FAHD2A: variants seen among roughly 807,000 people sequenced by gnomAD.
The protein encoded by FAHD2A is oxaloacetate tautomerase FAHD2A, mitochondrial.
Under a neutral mutation model 33.4 loss-of-function variants are expected in FAHD2A, and 27 were observed. The observed-to-expected ratio is 0.81, with a 90% CI of 0.60 to 1.11. The LOEUF (loss-of-function observed/expected upper bound fraction) is 1.11. Among genes scored for constraint, FAHD2A ranks in the 50% most tolerant of loss-of-function variants. The pLI, the probability that FAHD2A is intolerant of heterozygous loss-of-function variation, is 0.00. For missense variants in FAHD2A, 296 were observed against 395.0 expected, an observed-to-expected ratio of 0.75 and a Z score of 2.12; for synonymous variants, 130 against 153.3, an observed-to-expected ratio of 0.85 and a Z score of 1.12.
rs1425116250 is a variant in FAHD2A at position 95,415,564 on chromosome 2, G to A, written c.*2607G>A. On this transcript the variant is annotated 3_prime_UTR_variant, in exon 8 of 8. Coordinates refer to ENST00000233379, the MANE Select transcript of FAHD2A (RefSeq NM_016044.3). ...ATATCAGCATTAAGCGAGATTTAACGGGGAGCTGTTTATCTTCTGCCTGTC... is the reference window on the plus strand; with the variant it reads ...ATATCAGCATTAAGCGAGATTTAACAGGGAGCTGTTTATCTTCTGCCTGTC... 6.6e-6 allele frequency: 1 copy of A among 152,576 alleles called. No individual in the cohort carries two copies. The highest frequency in any genetic ancestry group is 1.5e-5 in the Non-Finnish European group (1 of 68,040). The allele number at this position is 152,576 out of a possible 1,614,324, so 9.5% of individuals were successfully genotyped here.
At chr2:95,406,742 C>T (rs1681626359) in intron 2 of FAHD2A, among the ~76,000 whole-genome samples, 199 bp from the exon 3 acceptor site, 1 of 152,140 alleles carries the variant, frequency 6.6e-6, no homozygotes, top group South Asian at 2.1e-4. Flanking sequence ...GAGAGGAAAT[C>T]AACACTGGAT....
In FAHD2A at chr2:95,413,508, G is replaced by A; in HGVS notation, c.*551G>A. The A allele has an allele frequency of 6.2e-7, 1 of 1,608,272 alleles. No individual in the cohort carries two copies. Among genetic ancestry groups the A allele is most frequent in the Non-Finnish European group, 8.5e-7 (1 of 1,178,186 alleles). On this transcript the variant is annotated 3_prime_UTR_variant, in exon 8 of 8. Transcript: ENST00000233379. Reference sequence around the variant, plus strand: ...CTAGTTTTTCCTGATTGTCCAGGCTGGCAAAAGTAGGGGACAGGTGGAGCC... The same window carrying A: ...CTAGTTTTTCCTGATTGTCCAGGCTAGCAAAAGTAGGGGACAGGTGGAGCC...
chr2:95,414,130 A>T lies in FAHD2A; in HGVS notation c.*1173A>T. 1 of 1,505,330 alleles carries T rather than the reference A, an allele frequency of 6.6e-7. No homozygotes were observed. Among genetic ancestry groups the T allele is most frequent in the Non-Finnish European group, 9.1e-7 (1 of 1,099,486 alleles). 93.2% of individuals were successfully genotyped at this position (1,505,330 alleles called of 1,614,324 possible). A position where few individuals can be genotyped will look rare whatever the true frequency, so the allele number is the denominator to read the frequency against. On this transcript the variant is annotated 3_prime_UTR_variant, in exon 8 of 8. Coordinates refer to ENST00000233379, the MANE Select transcript of FAHD2A (RefSeq NM_016044.3). The stretch of plus-strand genomic sequence containing the variant: ...GGGAGGGATAGATCTCCGACTGGAC[A>T]GAAGACTACTCTGCAGCCCGCCTTC...
intron 2 of FAHD2A, 76 bp from the exon 3 acceptor site, chr2:95,406,865 G>A (rs1681650003): frequency 2.0e-6 from 3 of 1,481,076 alleles, no homozygotes; most frequent in Non-Finnish European, 2.7e-6. Flanking sequence ...TGTAGCTGCT[G>A]CAGGATCTGC....
intron 3 of FAHD2A, among the ~76,000 whole-genome samples, chr2:95,409,492 A>T (rs1354429266): frequency 6.6e-6 from 1 of 152,180 alleles, no homozygotes; most frequent in African/African-American, 2.4e-5. Flanking sequence ...TATGTTTAGT[A>T]GAGACGGGGT....
In FAHD2A at chr2:95,405,567, G is replaced by A. The variant is rs1405227199; in HGVS notation, c.9G>A (p.Val3=). The A allele has an allele frequency of 2.7e-5, 43 of 1,611,328 alleles. No homozygotes were observed. The highest frequency in any genetic ancestry group is 3.7e-5 in the Non-Finnish European group (43 of 1,177,774). Residue 3 remains valine, a synonymous_variant, in exon 2 of 8, where the codon GTG becomes GTA. Coordinates refer to ENST00000233379, the MANE Select transcript of FAHD2A (RefSeq NM_016044.3). ...TTTCTCTGCAGGCTCTGATGCTGGT[G>A]TCTGGTAGAAGAAGGTTACTCACAG... is the stretch of plus-strand genomic sequence containing the variant. ML[V]SGRRRLLTVL...
rs1264160835 is a variant in FAHD2A at position 95,413,993 on chromosome 2, G to A, written c.*1036G>A. 3.5e-6 allele frequency: 5 copies of A among 1,433,644 alleles called. No individual in the cohort carries two copies. The African/African-American group carries it at 4.2e-5, about 12-fold the overall frequency. The allele number at this position is 1,433,644 out of a possible 1,614,324, so 88.8% of individuals were successfully genotyped here. On this transcript the variant is annotated 3_prime_UTR_variant, in exon 8 of 8. Coordinates refer to ENST00000233379, the MANE Select transcript of FAHD2A (RefSeq NM_016044.3). ...CTCTGAAGGTCCAGATAGCACTGAT[G>A]GCAAGCTTTGGGTCTGCACACTCTG... is the stretch of plus-strand genomic sequence containing the variant.
chr2:95,404,420 A>G (rs1363149583), intron 1 of FAHD2A, among the ~76,000 whole-genome samples: 1 of 151,784 alleles, frequency 6.6e-6, no homozygotes, highest in Non-Finnish European at 1.5e-5. Context: ...CAGCCTCCCT[A>G]GTAGCTGGGA....
chr2:95,413,384 T>G lies in FAHD2A; in HGVS notation c.*427T>G. 7.7e-6 allele frequency: 12 copies of G among 1,566,080 alleles called. No homozygotes were observed. In the South Asian group the frequency reaches 1.4e-4, roughly 19 times the overall value. ...AAGGGTTTGCAGCCTCCTCTCCATCTTCTGGCTCTAGGACACAGCTGTGTT... is the reference window on the plus strand; with the variant it reads ...AAGGGTTTGCAGCCTCCTCTCCATCGTCTGGCTCTAGGACACAGCTGTGTT... On this transcript the variant is annotated 3_prime_UTR_variant, in exon 8 of 8. Coordinates refer to ENST00000233379, the MANE Select transcript of FAHD2A (RefSeq NM_016044.3).
chr2:95,410,873 G>A lies in FAHD2A; in HGVS notation c.532G>A (p.Ala178Thr). ...TCCCCTGCCCCCATAGGCCACAGAT[G>A]CTATGGCCCACGTGGCCGGCTTCAC... Reference protein sequence around the residue: ...KKGKHIKATDAMAHVAGFTVA... With the variant: ...KKGKHIKATDTMAHVAGFTVA... The change falls in exon 5 of 8, where the codon GCT becomes ACT. Residue 178 changes from alanine (A) to threonine (T), a missense_variant. Transcript: ENST00000233379. 6.2e-7 allele frequency: 1 copy of A among 1,613,982 alleles called. No homozygotes were observed. The highest frequency in any genetic ancestry group is 8.5e-7 in the Non-Finnish European group (1 of 1,179,846).
rs1448434419 is a variant in FAHD2A at position 95,415,100 on chromosome 2, A to T, written c.*2143A>T. The stretch of plus-strand genomic sequence containing the variant: ...AGCCAAGGACACTGCTCTACTCTAA[A>T]TTTTTTGTCCCGAAGCCCCCAAATA... On this transcript the variant is annotated 3_prime_UTR_variant, in exon 8 of 8. Coordinates refer to ENST00000233379, the MANE Select transcript of FAHD2A (RefSeq NM_016044.3). The T allele has an allele frequency of 6.6e-6, 1 of 151,994 alleles. No homozygotes were observed. The highest frequency in any genetic ancestry group is 6.6e-5 in the Admixed American group (1 of 15,238). The allele number at this position is 151,994 out of a possible 1,614,324, so 9.4% of individuals were successfully genotyped here. A position where few individuals can be genotyped will look rare whatever the true frequency, so the allele number is the denominator to read the frequency against.
At chr2:95,409,108 A>C (rs1362324070) in intron 3 of FAHD2A, among the ~76,000 whole-genome samples, 1 of 152,242 alleles carries the variant, frequency 6.6e-6, no homozygotes, top group Admixed American at 6.5e-5. Context: ...TGGGAGGCTC[A>C]TGTCAGTGGT....
intron 3 of FAHD2A, among the ~76,000 whole-genome samples, chr2:95,409,088 C>T (rs773082444): frequency 6.6e-6 from 1 of 152,220 alleles, no homozygotes; most frequent in African/African-American, 2.4e-5. Flanking sequence ...CATTTTCCAT[C>T]GTATCCCACT....
Position 95,411,610 on chromosome 2 carries a change from A to T in FAHD2A, c.685+584A>T, listed in dbSNP as rs114430724. On this transcript the variant is annotated intron_variant, in intron 5 of 7. Transcript: ENST00000233379. ...CCTCAGCACCCCATGCAGAGTCCTC[A>T]GCAAAGTTAAATTGTGTTTCAGCTG... Among the ~76,000 whole-genome samples, 1,063 of 152,346 alleles carry T rather than the reference A, an allele frequency of 7.0e-3. 12 individuals are homozygous for T. The highest frequency in any genetic ancestry group is 0.024 in the African/African-American group (1,014 of 41,568).
Position 95,412,735 on chromosome 2 carries a change from G to T in FAHD2A, c.853G>T (p.Val285Leu). The T allele has an allele frequency of 6.2e-7, 1 of 1,614,176 alleles. No individual in the cohort carries two copies. The highest frequency in any genetic ancestry group is 2.2e-5 in the East Asian group (1 of 44,880). The change falls in exon 7 of 8, where the codon GTA becomes TTA. Residue 285 changes from valine (V) to leucine (L), a missense_variant. Val to Leu is a conservative substitution (Grantham distance 32, BLOSUM62 1). Transcript: ENST00000233379. ...ILTGTPPGVGVFRKPPVFLKK... is the reference protein window; with the variant it reads ...ILTGTPPGVGLFRKPPVFLKK... Reference sequence around the variant, plus strand: ...AACTGGGACCCCCCCAGGTGTCGGTGTATTCAGGAAACCTCCTGTCTTTCT... The same window carrying T: ...AACTGGGACCCCCCCAGGTGTCGGTTTATTCAGGAAACCTCCTGTCTTTCT...
intron 1 of FAHD2A, chr2:95,405,247 T>C: frequency 3.1e-6 from 1 of 321,750 alleles, no homozygotes; most frequent in East Asian, 5.7e-5. Context: ...GGGCTGAGTT[T>C]CACCTACATT....
intron 1 of FAHD2A, 98 bp from the exon 2 acceptor site, chr2:95,405,455 G>T: frequency 6.6e-7 from 1 of 1,507,208 alleles, no homozygotes; most frequent in South Asian, 1.3e-5. Flanking sequence ...AACGGTTGAT[G>T]GGGCAAAGGG....
intron 2 of FAHD2A, among the ~76,000 whole-genome samples, 170 bp downstream of exon 2, chr2:95,405,973 A>G (rs1681478899): frequency 1.3e-5 from 2 of 151,760 alleles, no homozygotes. Context: ...ACATAATAAC[A>G]TCTTCAGTTT....
At chr2:95,405,465 G>A in intron 1 of FAHD2A, 88 bp from the exon 2 acceptor site, 2 of 1,517,556 alleles carry the variant, frequency 1.3e-6, no homozygotes, top group Non-Finnish European at 1.8e-6. Flanking sequence ...GGGGCAAAGG[G>A]CCTCGGGCTA....
Sources: gnomAD v4.1 joint callset for allele counts (sites outside exome capture counted in the v4.1 genomes callset) on GRCh38, gnomAD v4.1.1 for gene constraint, MANE v1.5 for transcripts, NCBI Gene and HGNC (gene_info 2026-07-23, HGNC 2026-07-21) for gene names.